Variants in SEPTIN9 observed in about 807,000 individuals in gnomAD.
The protein encoded by SEPTIN9 is septin 9.
SEPTIN9 carries 13 observed loss-of-function variants against 56.6 expected under a neutral mutation model. The ratio of observed to expected loss-of-function variants is 0.23; its 90% CI spans 0.15 to 0.37. The LOEUF (loss-of-function observed/expected upper bound fraction) is 0.37, where lower values mean the gene tolerates loss of function less well. Ranked by LOEUF, SEPTIN9 falls within the 10% of genes least tolerant of loss-of-function variation. The pLI is 1.00. For synonymous variants in SEPTIN9, 332 were observed against 334.1 expected (o/e 0.99, Z 0.07); for missense variants, 650 against 823.1 (o/e 0.79, Z 2.57).
intron 2 of SEPTIN9, among the ~76,000 whole-genome samples, chr17:77,364,761 T>A (rs1443460633): frequency 6.6e-6 from 1 of 152,226 alleles, no homozygotes; most frequent in Non-Finnish European, 1.5e-5. Flanking sequence ...ATTTGCCCTC[T>A]GGAGAAAGCT....
chr17:77,363,789 G>T (rs1270795120), intron 2 of SEPTIN9, among the ~76,000 whole-genome samples: 2 of 152,116 alleles, frequency 1.3e-5, no homozygotes, highest in African/African-American at 2.4e-5. Context: ...TCCCCAAGTG[G>T]ACAGGTCCCC....
At chr17:77,465,565 TCCAGG>T (rs1215857443) in intron 3 of SEPTIN9, among the ~76,000 whole-genome samples, 1 of 137,804 alleles carries the variant, frequency 7.3e-6, no homozygotes, top group Non-Finnish European at 1.6e-5. Context: ...TTATCTTGAG[TCCAGG>T]CCTCGCTCCA....
At position 77,319,984 on chromosome 17, in the gene SEPTIN9, A is replaced by C. The variant is rs1345984985; in HGVS notation, c.76+12787A>C. 5.7e-6 allele frequency: 7 copies of C among 1,224,448 alleles called. No individual in the cohort carries two copies. Among genetic ancestry groups the C allele is most frequent in the Admixed American group, 4.0e-5 (1 of 25,278 alleles). The allele number at this position is 1,224,448 out of a possible 1,614,324, so 75.8% of individuals were successfully genotyped here. A position where few individuals can be genotyped will look rare whatever the true frequency, so the allele number is the denominator to read the frequency against. The stretch of plus-strand genomic sequence containing the variant: ...CCGGGACTCTGGGACTCTCGCAGGC[A>C]GACCCGGTGGTCTGCCGGACTCCTC... On this transcript the variant is annotated intron_variant, in intron 2 of 11. Transcript: ENST00000427177. This position sits in a 1 kb window ranked among gnomAD's most constrained non-coding sequence, Gnocchi z 5.3.
At chr17:77,424,829 C>T (rs1254642440) in intron 3 of SEPTIN9, among the ~76,000 whole-genome samples, 5 of 152,140 alleles carry the variant, frequency 3.3e-5, no homozygotes, top group African/African-American at 7.2e-5. Context: ...GACTGGCGGT[C>T]GCCGGGCCCC....
At chr17:77,426,087 C>T (rs1385900262) in intron 3 of SEPTIN9, among the ~76,000 whole-genome samples, 1 of 152,146 alleles carries the variant, frequency 6.6e-6, no homozygotes, top group Non-Finnish European at 1.5e-5. Context: ...GGAAATGCAG[C>T]CAGGCCCCCA....
At chr17:77,497,805 T>G (rs1328923655) in intron 11 of SEPTIN9, among the ~76,000 whole-genome samples, 3 of 151,998 alleles carry the variant, frequency 2.0e-5, no homozygotes, top group Non-Finnish European at 2.9e-5. Context: ...GGGGAAGCCC[T>G]GATGGAGAGG....
In SEPTIN9 at chr17:77,492,840, A is replaced by C. The variant is rs915198409; in HGVS notation, c.1476+124A>C. ...CTTGGGGCCAGAGGGCACTGAGCCC[A>C]GGTGTCTGTACCCAGTGCTGTCAGG... is the stretch of plus-strand genomic sequence containing the variant. On this transcript the variant is annotated intron_variant, in intron 9 of 11. Coordinates refer to ENST00000427177, the MANE Select transcript of SEPTIN9 (RefSeq NM_001113491.2). The surrounding 1 kb of genome is among the most constrained non-coding windows in gnomAD (Gnocchi z 5.4). The C allele has an allele frequency of 5.8e-6, 7 of 1,208,718 alleles. No individual in the cohort carries two copies. Among genetic ancestry groups the C allele is most frequent in the Non-Finnish European group, 8.6e-6 (7 of 817,096 alleles). The allele number at this position is 1,208,718 out of a possible 1,614,324, so 74.9% of individuals were successfully genotyped here.
intron 2 of SEPTIN9, among the ~76,000 whole-genome samples, chr17:77,321,754 A>G (rs904217174): frequency 4.6e-5 from 7 of 152,186 alleles, no homozygotes; most frequent in African/African-American, 1.7e-4. Flanking sequence ...CGCTGAGCAC[A>G]CCCAGTCGGG....
rs2038082763 is a variant in SEPTIN9 at position 77,453,937 on chromosome 17, C to G, written c.722-28207C>G. ...CCTGCCGGTGTCAAAGGTCTCAAGGCCCCTTTAAGAAGCCTGTCACCACCA... is the reference window on the plus strand; with the variant it reads ...CCTGCCGGTGTCAAAGGTCTCAAGGGCCCTTTAAGAAGCCTGTCACCACCA... On this transcript the variant is annotated intron_variant, in intron 3 of 11. Transcript: ENST00000427177. This position sits in a 1 kb window ranked among gnomAD's most constrained non-coding sequence, Gnocchi z 4.4. The G allele has an allele frequency of 2.0e-6, 1 of 499,968 alleles. No individual in the cohort carries two copies. The highest frequency in any genetic ancestry group is 2.6e-6 in the Non-Finnish European group (1 of 386,270). The allele number at this position is 499,968 out of a possible 1,614,324, so 31.0% of individuals were successfully genotyped here. A position where few individuals can be genotyped will look rare whatever the true frequency, so the allele number is the denominator to read the frequency against.
intron 1 of SEPTIN9, among the ~76,000 whole-genome samples, chr17:77,286,137 C>T (rs147774987): frequency 1.3e-5 from 2 of 152,372 alleles, no homozygotes; most frequent in Admixed American, 6.5e-5. Flanking sequence ...TAGTCTGTGG[C>T]TCTGTCTGAC....
Position 77,327,735 on chromosome 17 carries a change from CT to C in SEPTIN9, c.76+20539del, listed in dbSNP as rs34793580. ...TACCTCCATCCGTGGAGCCACCCTC[CT>C]CTTTTTTTTTCTAAATGGGGAAACT... On this transcript the variant is annotated intron_variant, in intron 2 of 11. Coordinates refer to ENST00000427177, the MANE Select transcript of SEPTIN9 (RefSeq NM_001113491.2). The surrounding 1 kb of genome is among the most constrained non-coding windows in gnomAD (Gnocchi z 5.0). 0.13 allele frequency among the ~76,000 whole-genome samples: 19,025 copies of C among 152,142 alleles called. 1,509 individuals carry two copies. The highest frequency in any genetic ancestry group is 0.23 in the South Asian group (1,113 of 4,812).
At position 77,499,230 on chromosome 17, in the gene SEPTIN9, C is replaced by T. The variant is rs544596777; in HGVS notation, c.*572C>T. On this transcript the variant is annotated 3_prime_UTR_variant, in exon 12 of 12. Coordinates refer to ENST00000427177, the MANE Select transcript of SEPTIN9 (RefSeq NM_001113491.2). ...TAGAAAACTCCAGGGTCCCCTGCCACCGACTGCCCAGCCACTCCAAGCCCC... is the reference window on the plus strand; with the variant it reads ...TAGAAAACTCCAGGGTCCCCTGCCATCGACTGCCCAGCCACTCCAAGCCCC... 1.9e-4 allele frequency: 111 copies of T among 584,790 alleles called. No individual in the cohort carries two copies. The highest frequency in any genetic ancestry group is 1.5e-3 in the South Asian group (107 of 69,676). The allele number at this position is 584,790 out of a possible 1,614,324, so 36.2% of individuals were successfully genotyped here. A position where few individuals can be genotyped will look rare whatever the true frequency, so the allele number is the denominator to read the frequency against.
chr17:77,373,689 T>TCCCGCTGAGAGCGCCGCGCGCCCC, intron 2 of SEPTIN9: 1 of 1,373,456 alleles, frequency 7.3e-7, no homozygotes, highest in African/African-American at 1.5e-5. Flanking sequence ...CCAGGCGCCC[T>TCCCGCTGAGAGCGCCGCGCGCCCC]CCCGCTGAGA....
intron 3 of SEPTIN9, among the ~76,000 whole-genome samples, chr17:77,455,454 A>G (rs996138687): frequency 1.3e-5 from 2 of 152,206 alleles, no homozygotes; most frequent in Admixed American, 1.3e-4. Context: ...CGGTCACTGA[A>G]TGGTCACTGA....
At chr17:77,439,968 G>A (rs1335174378) in intron 3 of SEPTIN9, among the ~76,000 whole-genome samples, 1 of 152,126 alleles carries the variant, frequency 6.6e-6, no homozygotes, top group African/African-American at 2.4e-5. Flanking sequence ...TAAGATCTGA[G>A]CAGGCAGGGC....
At chr17:77,474,991 G>C (rs1247886518) in intron 3 of SEPTIN9, among the ~76,000 whole-genome samples, 1 of 151,874 alleles carries the variant, frequency 6.6e-6, no homozygotes, top group Non-Finnish European at 1.5e-5. Flanking sequence ...ACATTAGTGA[G>C]ACCCACTCTC....
At chr17:77,408,776 A>G (rs1397562637) in intron 3 of SEPTIN9, among the ~76,000 whole-genome samples, 2 of 152,050 alleles carry the variant, frequency 1.3e-5, no homozygotes, top group Non-Finnish European at 2.9e-5. Context: ...GAGGGTGACC[A>G]CTGTGATTTA....
chr17:77,328,804 G>A (rs1366763284), intron 2 of SEPTIN9, among the ~76,000 whole-genome samples: 1 of 152,218 alleles, frequency 6.6e-6, no homozygotes, highest in Non-Finnish European at 1.5e-5. Context: ...CCACAAATGA[G>A]CAAATCCATA....
At position 77,281,543 on chromosome 17, in the gene SEPTIN9, A is replaced by C; in HGVS notation, c.8A>C (p.Lys3Thr). The change falls in exon 1 of 12, where the codon AAG (lysine) becomes ACG (threonine). Residue 3 changes from lysine (K) to threonine (T), a missense_variant. Physicochemically the swap from Lys to Thr is moderately conservative, Grantham distance 78 (BLOSUM62 -1). Around this residue, in one of 2 missense-constraint regions of SEPTIN9, gnomAD observed 317 missense variants for 329.1 expected, o/e 0.96. Coordinates refer to ENST00000427177, the MANE Select transcript of SEPTIN9 (RefSeq NM_001113491.2). ...GGCGGCCACGGAGGCACCATGAAGA[A>C]GTCTTACTCAGGTGGGCTTCGCGCC... The part of the protein sequence containing the change: MK[K>T]SYSGGTRTSS... 2 of 1,549,578 alleles carry C rather than the reference A, an allele frequency of 1.3e-6. No individual in the cohort carries two copies. The highest frequency in any genetic ancestry group is 1.7e-6 in the Non-Finnish European group (2 of 1,147,390).
Sources: allele counts gnomAD v4.1 joint callset (sites outside exome capture counted in the v4.1 genomes callset), GRCh38; gene constraint gnomAD v4.1.1; regional missense constraint gnomAD v4.1.1; non-coding constraint Gnocchi (gnomAD v3.1); transcripts MANE v1.5; gene names NCBI Gene and HGNC (gene_info 2026-07-23, HGNC 2026-07-21).